Variants in MKLN1 observed in about 807,000 individuals in gnomAD.
The protein encoded by MKLN1 is muskelin 1.
A neutral mutation model predicts 99.0 loss-of-function variants in MKLN1; 18 were observed. That is an observed-to-expected ratio of 0.18 (90% CI 0.13 to 0.27). The LOEUF (loss-of-function observed/expected upper bound fraction) is 0.27, where lower values mean the gene tolerates loss of function less well. MKLN1 is among the 10% of genes least tolerant of loss of function. The pLI, the probability that MKLN1 is intolerant of heterozygous loss-of-function variation, is 1.00. For missense variants in MKLN1, 621 were observed against 875.9 expected, an observed-to-expected ratio of 0.71 and a Z score of 3.67; for synonymous variants, 288 against 293.2, an observed-to-expected ratio of 0.98 and a Z score of 0.18.
intron 1 of MKLN1, among the ~76,000 whole-genome samples, chr7:131,342,494 T>G (rs1054693930): frequency 6.6e-6 from 1 of 152,360 alleles, no homozygotes; most frequent in Admixed American, 6.5e-5. Context: ...TTATATCGTT[T>G]GTTTATATAT....
chr7:131,341,953 G>C (rs1056445283), intron 1 of MKLN1, among the ~76,000 whole-genome samples: 2 of 152,138 alleles, frequency 1.3e-5, no homozygotes, highest in African/African-American at 4.8e-5. Flanking sequence ...GTGGCCTGGG[G>C]GTTTGGGATC....
At chr7:131,138,781 G>A (rs1325721402) in intron 1 of MKLN1, among the ~76,000 whole-genome samples, 3 of 152,148 alleles carry the variant, frequency 2.0e-5, no homozygotes, top group African/African-American at 7.2e-5. Context: ...GTATTTATAT[G>A]TGATGTTTAC....
intron 8 of MKLN1, among the ~76,000 whole-genome samples, chr7:131,417,872 T>G (rs571457641): frequency 6.6e-6 from 1 of 152,320 alleles, no homozygotes; most frequent in East Asian, 1.9e-4. Flanking sequence ...AAAATTTTTT[T>G]ATTTAAAATG....
chr7:131,396,121 G>A (rs1794351996), intron 4 of MKLN1, among the ~76,000 whole-genome samples: 1 of 152,118 alleles, frequency 6.6e-6, no homozygotes, highest in African/African-American at 2.4e-5. Flanking sequence ...CGCCCAGGCT[G>A]GAGTACAGTG....
intron 3 of MKLN1, among the ~76,000 whole-genome samples, chr7:131,280,883 T>A (rs894124983): frequency 6.6e-6 from 1 of 152,104 alleles, no homozygotes; most frequent in East Asian, 1.9e-4. Flanking sequence ...CATGTTTTAA[T>A]TGAGTCATTT....
upstream of MKLN1, chr7:131,324,559 A>T (rs1798847007): frequency 6.6e-6 from 1 of 152,224 alleles, no homozygotes; most frequent in South Asian, 2.1e-4. Context: ...TTACAAGTGG[A>T]TTTTTAAAGG....
At position 131,200,284 on chromosome 7, in the gene MKLN1, G is replaced by C. The variant is rs572679029; in HGVS notation, c.-296-2573G>C. 1.5e-4 allele frequency among the ~76,000 whole-genome samples: 23 copies of C among 152,268 alleles called. 1 individual carries two copies. The highest frequency in any genetic ancestry group is 4.8e-4 in the African/African-American group (20 of 41,540). On this transcript the variant is annotated intron_variant, in intron 2 of 7. Transcript: ENST00000416992. Reference sequence around the variant, plus strand: ...TATTTAATTATTTCTTTATGAAAAGGAAAGAGTAAAATTCCCCTTCCTCAC... The same window carrying C: ...TATTTAATTATTTCTTTATGAAAAGCAAAGAGTAAAATTCCCCTTCCTCAC...
chr7:131,113,477 A>G (rs1166639295), intron 1 of MKLN1, among the ~76,000 whole-genome samples: 2 of 152,084 alleles, frequency 1.3e-5, no homozygotes, highest in African/African-American at 4.8e-5. Context: ...CCAGTGGAGA[A>G]CCACTGATGA....
At chr7:131,210,042 A>G (rs1796877816) in intron 3 of MKLN1, among the ~76,000 whole-genome samples, 1 of 152,204 alleles carries the variant, frequency 6.6e-6, no homozygotes, top group South Asian at 2.1e-4. Flanking sequence ...GAAAAAAGTA[A>G]AACTATTTGT....
At chr7:131,176,099 T>C (rs978179034) in intron 2 of MKLN1, among the ~76,000 whole-genome samples, 2 of 152,212 alleles carry the variant, frequency 1.3e-5, no homozygotes, top group Admixed American at 6.5e-5. Flanking sequence ...CAAAGTTTAT[T>C]ATTTTTATTA....
chr7:131,429,373 T>C (rs1795456926), intron 9 of MKLN1, among the ~76,000 whole-genome samples: 1 of 152,118 alleles, frequency 6.6e-6, no homozygotes, highest in Admixed American at 6.5e-5. Context: ...GAGTGAGGAA[T>C]GGGGATTTTT....
intron 8 of MKLN1, among the ~76,000 whole-genome samples, chr7:131,426,585 AT>A (rs1417828463): frequency 6.6e-6 from 1 of 152,148 alleles, no homozygotes; most frequent in Non-Finnish European, 1.5e-5. Flanking sequence ...AATAATTGGC[AT>A]TATTTCACAC....
At position 131,400,518 on chromosome 7, in the gene MKLN1, A is replaced by AAAATATAT. The variant is rs527702723; in HGVS notation, c.703+1086_703+1087insAATATATA. Among the ~76,000 whole-genome samples the AAAATATAT allele has an allele frequency of 5.7e-4, 79 of 137,424 alleles. No homozygotes were observed. The South Asian group carries it at 7.5e-3, about 13-fold the overall frequency. 90.2% of individuals were successfully genotyped at this position (137,424 alleles called of 152,430 possible). On this transcript the variant is annotated intron_variant, in intron 6 of 17. Transcript: ENST00000352689. ...TTTAAAATGCTACCAATAAAAAAAA[A>AAAATATAT]ATATATATATATATATATATATGCC...
intron 12 of MKLN1, among the ~76,000 whole-genome samples, chr7:131,461,145 A>G (rs947108716): frequency 4.6e-5 from 7 of 152,224 alleles, no homozygotes; most frequent in Non-Finnish European, 8.8e-5. Flanking sequence ...TAGGTTACTT[A>G]TAATACCTGA....
intron 1 of MKLN1, among the ~76,000 whole-genome samples, chr7:131,123,099 T>C (rs1363555824): frequency 6.6e-6 from 1 of 150,952 alleles, no homozygotes; most frequent in Admixed American, 6.6e-5. Context: ...AAGGACATGT[T>C]TGACTCTGTT....
At chr7:131,132,478 C>T (rs1304815418) in intron 1 of MKLN1, among the ~76,000 whole-genome samples, 1 of 152,138 alleles carries the variant, frequency 6.6e-6, no homozygotes, top group African/African-American at 2.4e-5. Flanking sequence ...TGGATTATTT[C>T]ACAGAGGTGA....
At chr7:131,389,027 AACTATAGCCC>A in intron 4 of MKLN1, 55 bp downstream of exon 4, 1 of 1,213,004 alleles carries the variant, frequency 8.2e-7, no homozygotes, top group Non-Finnish European at 1.2e-6. Context: ...TCAGTCAGCA[AACTATAGCCC>A]ATAGACCAAA....
chr7:131,163,413 C>T (rs192580846), intron 2 of MKLN1, among the ~76,000 whole-genome samples: 32 of 152,344 alleles, frequency 2.1e-4, no homozygotes, highest in Admixed American at 2.0e-3. Context: ...TTCATTTCTA[C>T]GATTCTATCA....
chr7:131,439,330 G>A (rs1795760917), intron 10 of MKLN1, among the ~76,000 whole-genome samples: 1 of 151,958 alleles, frequency 6.6e-6, no homozygotes, highest in Non-Finnish European at 1.5e-5. Context: ...CTTAGGAGTA[G>A]CACATAGAGA....
Sources: allele counts gnomAD v4.1 joint callset (sites outside exome capture counted in the v4.1 genomes callset), GRCh38; gene constraint gnomAD v4.1.1; transcripts MANE v1.5; gene names NCBI Gene and HGNC (gene_info 2026-07-23, HGNC 2026-07-21).